TRAF3IP2: variants seen among roughly 807,000 people sequenced by gnomAD.
TRAF3IP2 encodes TRAF3 interacting protein 2.
TRAF3IP2 carries 35 observed loss-of-function variants against 57.9 expected under a neutral mutation model. The observed-to-expected ratio is 0.60, with a 90% CI of 0.46 to 0.80. The LOEUF is 0.80. Among genes scored for constraint, TRAF3IP2 ranks in the 30% least tolerant of loss-of-function variants. TRAF3IP2 has a pLI of 0.00. For synonymous variants in TRAF3IP2, 251 were observed against 268.9 expected, an observed-to-expected ratio of 0.93 and a Z score of 0.65; for missense variants, 556 against 706.4, an observed-to-expected ratio of 0.79 and a Z score of 2.41.
chr6:111,598,389 A>T (rs922400659), intron 1 of TRAF3IP2: 7 of 157,366 alleles, frequency 4.4e-5, no homozygotes, highest in African/African-American at 1.7e-4. Flanking sequence ...CTACGAAGAC[A>T]GGCAACGCCG....
intron 7 of TRAF3IP2, 53 bp downstream of exon 7, chr6:111,566,391 A>G: frequency 7.1e-7 from 1 of 1,404,254 alleles, no homozygotes; most frequent in Non-Finnish European, 1.0e-6. Flanking sequence ...TTCCCTGGAC[A>G]AGGTATCCAT....
At chr6:111,590,855 C>G (rs932885894) in intron 2 of TRAF3IP2, among the ~76,000 whole-genome samples, 4 of 152,132 alleles carry the variant, frequency 2.6e-5, no homozygotes, top group African/African-American at 9.7e-5. Context: ...TGACTAAAAG[C>G]CCTTTCTCTG....
chr6:111,583,875 GT>G (rs1367452904), intron 2 of TRAF3IP2, among the ~76,000 whole-genome samples: 1 of 152,116 alleles, frequency 6.6e-6, no homozygotes, highest in East Asian at 1.9e-4. Context: ...TGTTTTGGGG[GT>G]TTTTTGGTTT....
At chr6:111,589,920 C>T (rs186483412) in intron 2 of TRAF3IP2, among the ~76,000 whole-genome samples, 7 of 152,270 alleles carry the variant, frequency 4.6e-5, no homozygotes, top group South Asian at 2.1e-4. Flanking sequence ...TTTAAAGCTG[C>T]GCATCAGGCC....
intron 7 of TRAF3IP2, among the ~76,000 whole-genome samples, chr6:111,565,505 G>T (rs931809228): frequency 1.3e-5 from 2 of 152,152 alleles, no homozygotes; most frequent in African/African-American, 4.8e-5. Flanking sequence ...TGAGGTAGGG[G>T]TGGGAGGCGC....
intron 3 of TRAF3IP2, 77 bp from the exon 4 acceptor site, chr6:111,575,898 C>T: frequency 1.4e-6 from 2 of 1,398,156 alleles, no homozygotes; most frequent in Non-Finnish European, 2.0e-6. Context: ...ACTTTTAGAA[C>T]TATGGGAAGA....
intron 4 of TRAF3IP2, chr6:111,574,752 A>G (rs1795929761): frequency 6.6e-6 from 1 of 152,334 alleles, no homozygotes; most frequent in East Asian, 1.9e-4. Context: ...GAAGAGGGAA[A>G]AGGCACTGGG....
At chr6:111,564,150 A>G (rs1795542787) in intron 7 of TRAF3IP2, among the ~76,000 whole-genome samples, 1 of 151,638 alleles carries the variant, frequency 6.6e-6, no homozygotes, top group South Asian at 2.1e-4. Flanking sequence ...ACACACTCTC[A>G]CATAGTTGCA....
chr6:111,578,181 C>A (rs961613062), intron 3 of TRAF3IP2, among the ~76,000 whole-genome samples: 13 of 152,298 alleles, frequency 8.5e-5, no homozygotes, highest in African/African-American at 3.1e-4. Flanking sequence ...TTAAAAATTA[C>A]TATTCTCTTT....
chr6:111,596,888 C>T (rs906118703), intron 1 of TRAF3IP2, among the ~76,000 whole-genome samples: 5 of 152,238 alleles, frequency 3.3e-5, no homozygotes, highest in Admixed American at 6.5e-5. Flanking sequence ...TGAGCCACCA[C>T]GCCTGGCCTG....
intron 1 of TRAF3IP2, chr6:111,597,943 T>C (rs1796745842): frequency 6.6e-6 from 3 of 455,270 alleles, no homozygotes; most frequent in South Asian, 3.1e-5. Flanking sequence ...TTTCCAGCCA[T>C]GACCCAGGGA....
chr6:111,573,864 G>C (rs79080057), intron 4 of TRAF3IP2: 5 of 152,154 alleles, frequency 3.3e-5, no homozygotes, highest in South Asian at 4.1e-4. Context: ...GAGAAGAAAG[G>C]GGGGCTGGAG....
In TRAF3IP2 at chr6:111,559,230, T is replaced by C. The variant is rs1795342815; in HGVS notation, c.*175A>G. On this transcript the variant is annotated 3_prime_UTR_variant, in exon 9 of 9. Transcript: ENST00000368761. ...CAGACTCCACTTCAAAGCCAGGGTGTGTGGAGGTCTCCGGGGAAGAGCTCT... is the reference window on the plus strand; with the variant it reads ...CAGACTCCACTTCAAAGCCAGGGTGCGTGGAGGTCTCCGGGGAAGAGCTCT... 2 of 773,424 alleles carry C rather than the reference T, an allele frequency of 2.6e-6. No homozygotes were observed. The highest frequency in any genetic ancestry group is 5.5e-5 in the Admixed American group (2 of 36,278). 47.9% of individuals were successfully genotyped at this position (773,424 alleles called of 1,614,324 possible).
chr6:111,564,810 G>C (rs565269884), intron 7 of TRAF3IP2, among the ~76,000 whole-genome samples: 2 of 152,350 alleles, frequency 1.3e-5, no homozygotes, highest in East Asian at 3.9e-4. Flanking sequence ...CACAGAGCTA[G>C]ACAGGTTTCC....
intron 2 of TRAF3IP2, among the ~76,000 whole-genome samples, chr6:111,590,633 C>T (rs572997150): frequency 1.3e-5 from 2 of 152,130 alleles, no homozygotes; most frequent in East Asian, 1.9e-4. Flanking sequence ...GCCTGGCAAA[C>T]GCATGGAGAT....
At position 111,567,676 on chromosome 6, in the gene TRAF3IP2, T is replaced by G. The variant is rs1795697055; in HGVS notation, c.1307A>C (p.Asp436Ala). ...AATGATATCAATGCCTCGGATTCTA[T>G]CCTCAAATATGTCAATCTGCAAAAA... Reference protein sequence around the residue: ...GFQTAIDIFEDRIRGIDIIKW... With the variant: ...GFQTAIDIFEARIRGIDIIKW... Residue 436 changes from aspartate to alanine, a missense_variant, in exon 6 of 9, where the codon GAT becomes GCT. Physicochemically the swap from Asp to Ala is moderately radical, Grantham distance 126 (BLOSUM62 -2). This residue lies in a region of TRAF3IP2 where 128 missense variants were observed against 207.7 expected (regional missense o/e 0.62). Transcript: ENST00000368761. The G allele has an allele frequency of 6.2e-7, 1 of 1,606,886 alleles. No individual in the cohort carries two copies. The highest frequency in any genetic ancestry group is 1.3e-5 in the African/African-American group (1 of 74,660).
intron 7 of TRAF3IP2, among the ~76,000 whole-genome samples, chr6:111,563,253 A>T (rs1339467890): frequency 6.6e-6 from 1 of 152,150 alleles, no homozygotes; most frequent in African/African-American, 2.4e-5. Context: ...TCTATGTCAG[A>T]CTTTGGGTTT....
intron 5 of TRAF3IP2, among the ~76,000 whole-genome samples, chr6:111,568,796 C>T (rs1583219264): frequency 6.6e-6 from 1 of 152,172 alleles, no homozygotes; most frequent in Non-Finnish European, 1.5e-5. Flanking sequence ...CTTTACTCCC[C>T]ACATTGGAGT....
At position 111,591,770 on chromosome 6, in the gene TRAF3IP2, A is replaced by C; in HGVS notation, c.317T>G (p.Phe106Cys). Residue 106 changes from phenylalanine to cysteine, a missense_variant, in exon 2 of 9, where the codon TTC (phenylalanine) becomes TGC (cysteine). Phe to Cys is a radical substitution (Grantham distance 205, BLOSUM62 -2). This residue lies in a region of TRAF3IP2 where 428 missense variants were observed against 498.7 expected (regional missense o/e 0.86). Coordinates refer to ENST00000368761, the MANE Select transcript of TRAF3IP2 (RefSeq NM_147686.4). The surrounding 1 kb of genome is among the most constrained non-coding windows in gnomAD (Gnocchi z 4.9). ...GCTGACTGCAGAGCACCCAGAAGGGAAAGCTTTGCCCAGGCCTGGGTGTCT... is the reference window on the plus strand; with the variant it reads ...GCTGACTGCAGAGCACCCAGAAGGGCAAGCTTTGCCCAGGCCTGGGTGTCT... ...CRRHPGLGKA[F>C]PSGCSAVSEP... 2.5e-6 allele frequency: 4 copies of C among 1,614,210 alleles called. No homozygotes were observed. The highest frequency in any genetic ancestry group is 3.4e-6 in the Non-Finnish European group (4 of 1,180,040).
Sources: gnomAD v4.1 joint callset for allele counts (sites outside exome capture counted in the v4.1 genomes callset) on GRCh38, gnomAD v4.1.1 for gene constraint, gnomAD v4.1.1 regional missense constraint, Gnocchi (gnomAD v3.1) non-coding constraint, MANE v1.5 for transcripts, NCBI Gene and HGNC (gene_info 2026-07-23, HGNC 2026-07-21) for gene names.